Variants in GRIA4 observed in about 807,000 individuals in gnomAD.
GRIA4 encodes glutamate receptor 4.
Under a neutral mutation model 104.0 loss-of-function variants are expected in GRIA4, and 34 were observed. That is an observed-to-expected ratio of 0.33 (90% CI 0.25 to 0.44). The LOEUF is 0.44. GRIA4 is among the 20% of genes least tolerant of loss of function. The pLI is 1.00. For missense variants in GRIA4, 750 were observed against 1,096.5 expected, an observed-to-expected ratio of 0.68 and a Z score of 4.46; for synonymous variants, 386 against 381.9, an observed-to-expected ratio of 1.01 and a Z score of -0.13.
intron 3 of GRIA4, among the ~76,000 whole-genome samples, chr11:105,701,937 A>AT (rs1565476334): frequency 6.6e-6 from 1 of 152,046 alleles, no homozygotes; most frequent in South Asian, 2.1e-4. Context: ...AGCCACTTGC[A>AT]TTTTTTTAAA....
intron 3 of GRIA4, among the ~76,000 whole-genome samples, chr11:105,665,461 G>A (rs747709255): frequency 1.1e-4 from 16 of 151,886 alleles, no homozygotes; most frequent in Admixed American, 2.6e-4. Context: ...CACCATTAGC[G>A]TATCCCGGAG....
intron 14 of GRIA4, among the ~76,000 whole-genome samples, chr11:105,965,505 A>G (rs1858312519): frequency 1.3e-5 from 2 of 151,796 alleles, no homozygotes; most frequent in African/African-American, 2.4e-5. Flanking sequence ...GGGAATCAGT[A>G]AAGAAAAATT....
chr11:105,656,207 T>C (rs543778559), intron 3 of GRIA4, among the ~76,000 whole-genome samples: 1 of 152,168 alleles, frequency 6.6e-6, no homozygotes, highest in East Asian at 1.9e-4. Context: ...TCGTTTAAAT[T>C]ATTTGTAGAT....
At position 105,943,925 on chromosome 11, in the gene GRIA4, C is replaced by T. The variant is rs146819301; in HGVS notation, c.2294+9956C>T. 6.1e-3 allele frequency among the ~76,000 whole-genome samples: 924 copies of T among 152,036 alleles called. 6 individuals are homozygous for T. The highest frequency in any genetic ancestry group is 0.021 in the African/African-American group (861 of 41,474). ...TTATAATGTTTCATAGATAAAAGGGCTGGTTTGTCAAAATAGCCATTTTTA... is the reference window on the plus strand; with the variant it reads ...TTATAATGTTTCATAGATAAAAGGGTTGGTTTGTCAAAATAGCCATTTTTA... On this transcript the variant is annotated intron_variant, in intron 14 of 16. Transcript: ENST00000282499.
chr11:105,751,440 T>G (rs1939990053), intron 3 of GRIA4, among the ~76,000 whole-genome samples: 1 of 152,176 alleles, frequency 6.6e-6, no homozygotes, highest in South Asian at 2.1e-4. Context: ...TTAAGATGCC[T>G]GAAGCTTCAA....
intron 4 of GRIA4, among the ~76,000 whole-genome samples, chr11:105,854,540 G>C (rs757898741): frequency 2.0e-5 from 3 of 152,168 alleles, no homozygotes; most frequent in Non-Finnish European, 4.4e-5. Flanking sequence ...CTGAAGCTAT[G>C]CTATGAGTAG....
intron 4 of GRIA4, among the ~76,000 whole-genome samples, chr11:105,756,407 G>A (rs561631311): frequency 3.3e-5 from 5 of 152,022 alleles, no homozygotes; most frequent in African/African-American, 4.8e-5. Flanking sequence ...CCTAATTACC[G>A]CATTCCACCA....
At chr11:105,779,647 C>A (rs1255211848) in intron 4 of GRIA4, among the ~76,000 whole-genome samples, 19 of 146,628 alleles carry the variant, frequency 1.3e-4, no homozygotes, top group African/African-American at 2.4e-4. Context: ...AAAAAAAAAA[C>A]AACAAAAAAA....
At chr11:105,787,373 T>A (rs2135791707) in intron 4 of GRIA4, among the ~76,000 whole-genome samples, 1 of 152,204 alleles carries the variant, frequency 6.6e-6, no homozygotes, top group South Asian at 2.1e-4. Flanking sequence ...CGTAAGATAC[T>A]GTTATAAGTC....
intron 3 of GRIA4, among the ~76,000 whole-genome samples, chr11:105,639,425 G>A (rs1179436703): frequency 6.6e-6 from 1 of 151,850 alleles, no homozygotes; most frequent in Non-Finnish European, 1.5e-5. Context: ...TCTCAGCATC[G>A]CAGTCATATT....
chr11:105,948,604 T>TTG (rs1452006293), intron 14 of GRIA4, among the ~76,000 whole-genome samples: 1 of 141,178 alleles, frequency 7.1e-6, no homozygotes, highest in Admixed American at 7.1e-5. Context: ...TGTTTTTTTT[T>TTG]TTTTTTTTTT....
chr11:105,741,221 A>G (rs1939283530), intron 3 of GRIA4, among the ~76,000 whole-genome samples: 1 of 152,184 alleles, frequency 6.6e-6, no homozygotes. Flanking sequence ...TTTCTGTTGG[A>G]ATGGCAGAAA....
Position 105,887,549 on chromosome 11 carries a change from TA to T in GRIA4, c.704del (p.Tyr235SerfsTer38). Reference protein sequence around the residue: ...IVSVGKHVKGYHYIIANLGFK... With the variant: ...IVSVGKHVKGXHYIIANLGFK... ...AAGTGTTGGAAAGCATGTTAAAGGC[TA>T]CCATTATATCATTGCAAACTTGGTA... On this transcript the variant is annotated frameshift_variant, in exon 6 of 17. Coordinates refer to ENST00000282499, the MANE Select transcript of GRIA4 (RefSeq NM_000829.4). LOFTEE classifies it high-confidence loss of function. 1 of 1,454,620 alleles carries T rather than the reference TA, an allele frequency of 6.9e-7. No individual in the cohort carries two copies. The highest frequency in any genetic ancestry group is 9.6e-7 in the Non-Finnish European group (1 of 1,043,784). 90.1% of individuals were successfully genotyped at this position (1,454,620 alleles called of 1,614,324 possible).
rs918907443 is a variant in GRIA4, at chr11:105,981,590, C to CACACAA, written c.*1852_*1853insCACAAA. The CACACAA allele has an allele frequency of 6.5e-6, 1 of 153,782 alleles. No individual in the cohort carries two copies. Among genetic ancestry groups the CACACAA allele is most frequent in the Non-Finnish European group, 1.4e-5 (1 of 70,000 alleles). 9.5% of individuals were successfully genotyped at this position (153,782 alleles called of 1,614,324 possible). A position where few individuals can be genotyped will look rare whatever the true frequency, so the allele number is the denominator to read the frequency against. ...ACACACACACACACACACACACACACAAGTCCCTCAGGAAAAATTCCAAGC... is the reference window on the plus strand; with the variant it reads ...ACACACACACACACACACACACACACACACAAAAGTCCCTCAGGAAAAATTCCAAGC... On this transcript the variant is annotated 3_prime_UTR_variant, in exon 17 of 17. Coordinates refer to ENST00000282499, the MANE Select transcript of GRIA4 (RefSeq NM_000829.4).
chr11:105,926,016 G>A (rs1412872317), intron 12 of GRIA4, among the ~76,000 whole-genome samples: 1 of 151,994 alleles, frequency 6.6e-6, no homozygotes, highest in Non-Finnish European at 1.5e-5. Context: ...GAGAAAGAGT[G>A]AAAAGAGAGA....
chr11:105,978,856 C>T (rs796726547), intron 16 of GRIA4, among the ~76,000 whole-genome samples: 4 of 152,298 alleles, frequency 2.6e-5, no homozygotes, highest in African/African-American at 9.6e-5. Context: ...TGATAAGGAG[C>T]AGGAATTTAC....
intron 5 of GRIA4, among the ~76,000 whole-genome samples, chr11:105,886,274 G>A (rs1946254234): frequency 6.6e-6 from 1 of 152,058 alleles, no homozygotes; most frequent in Non-Finnish European, 1.5e-5. Context: ...CATGCAATGA[G>A]TAATAATCAC....
intron 3 of GRIA4, among the ~76,000 whole-genome samples, chr11:105,631,952 CCTAAG>C (rs1048138794): frequency 2.0e-5 from 3 of 151,840 alleles, no homozygotes; most frequent in African/African-American, 4.8e-5. Flanking sequence ...AATAAAAAAC[CCTAAG>C]CTACAAAAAG....
At chr11:105,757,009 T>C (rs1216154758) in intron 4 of GRIA4, among the ~76,000 whole-genome samples, 1 of 152,096 alleles carries the variant, frequency 6.6e-6, no homozygotes, top group African/African-American at 2.4e-5. Flanking sequence ...GGTATAAAAA[T>C]AACAATGGAG....
Sources: allele counts gnomAD v4.1 joint callset (sites outside exome capture counted in the v4.1 genomes callset), GRCh38; gene constraint gnomAD v4.1.1; transcripts MANE v1.5; gene names NCBI Gene and HGNC (gene_info 2026-07-23, HGNC 2026-07-21).